NAV3: variants seen among roughly 807,000 people sequenced by gnomAD.
The protein encoded by NAV3 is pore membrane and/or filament interacting like protein 1.
In NAV3, 87 loss-of-function variants were observed where a neutral mutation model predicts 244.7. The ratio of observed to expected loss-of-function variants is 0.36; its 90% CI spans 0.30 to 0.42. NAV3 has a LOEUF of 0.42. NAV3 is among the 20% of genes least tolerant of loss of function. The pLI, the probability that NAV3 is intolerant of heterozygous loss-of-function variation, is 1.00. For synonymous variants in NAV3, 1,126 were observed against 1,042.2 expected, an observed-to-expected ratio of 1.08 and a Z score of -1.55; for missense variants, 2,663 against 2,893.3, an observed-to-expected ratio of 0.92 and a Z score of 1.83.
intron 2 of NAV3, among the ~76,000 whole-genome samples, chr12:77,594,612 C>T (rs908079094): frequency 6.6e-6 from 1 of 152,024 alleles, no homozygotes; most frequent in South Asian, 2.1e-4. Context: ...TGACAACAGG[C>T]GAGTGAGTCA....
At chr12:77,687,155 ACTT>A (rs1203177226) in intron 2 of NAV3, among the ~76,000 whole-genome samples, 2 of 152,128 alleles carry the variant, frequency 1.3e-5, no homozygotes, top group Non-Finnish European at 2.9e-5. Flanking sequence ...CTAGTTTACT[ACTT>A]CTTTTATACT....
chr12:77,594,350 G>C (rs1870070098), intron 2 of NAV3, among the ~76,000 whole-genome samples: 1 of 151,822 alleles, frequency 6.6e-6, no homozygotes, highest in African/African-American at 2.4e-5. Context: ...CCTCCTTCCA[G>C]GGCTTAAGTA....
Position 77,655,567 on chromosome 12 carries a change from C to T in NAV3, c.72+83301C>T, listed in dbSNP as rs1032016474. On this transcript the variant is annotated intron_variant, in intron 2 of 8. Coordinates refer to the NAV3 transcript ENST00000550042. ...ATCCAGGAGAACTTCCCCAATCTAG[C>T]AAGGCAGGCCAACATTCAGATTCAG... Among the ~76,000 whole-genome samples the T allele has an allele frequency of 5.1e-4, 78 of 152,088 alleles. 1 individual carries two copies. The highest frequency in any genetic ancestry group is 1.3e-4 in the Non-Finnish European group (9 of 68,024).
chr12:78,023,613 A>G (rs987350432), intron 9 of NAV3, among the ~76,000 whole-genome samples: 1 of 152,184 alleles, frequency 6.6e-6, no homozygotes, highest in Admixed American at 6.5e-5. Flanking sequence ...TGCAGCCTAT[A>G]GTGGGATAGT....
chr12:77,667,281 A>G (rs1313428936), intron 2 of NAV3, among the ~76,000 whole-genome samples: 2 of 152,168 alleles, frequency 1.3e-5, no homozygotes, highest in Admixed American at 6.5e-5. Flanking sequence ...AAGGAACTGG[A>G]TTGCTGCCGC....
intron 2 of NAV3, among the ~76,000 whole-genome samples, chr12:77,816,938 T>C (rs1326604610): frequency 6.6e-6 from 1 of 152,196 alleles, no homozygotes; most frequent in Non-Finnish European, 1.5e-5. Context: ...GCCATGTATA[T>C]GTTAACTCTA....
At chr12:78,100,418 C>T (rs1954480615) in intron 12 of NAV3, among the ~76,000 whole-genome samples, 1 of 151,826 alleles carries the variant, frequency 6.6e-6, no homozygotes, top group African/African-American at 2.4e-5. Context: ...TGCAAGAGAC[C>T]TAGAGTCTCT....
chr12:77,655,169 G>A (rs1323474919), intron 2 of NAV3, among the ~76,000 whole-genome samples: 2 of 151,422 alleles, frequency 1.3e-5, no homozygotes, highest in Non-Finnish European at 2.9e-5. Context: ...AGCTACAGGA[G>A]GAAATTCAAA....
intron 23 of NAV3, among the ~76,000 whole-genome samples, chr12:78,167,992 A>G (rs1957849287): frequency 1.3e-5 from 2 of 151,728 alleles, no homozygotes; most frequent in African/African-American, 4.8e-5. Flanking sequence ...ACATCTTAAA[A>G]TTACTCTAAA....
intron 1 of NAV3, among the ~76,000 whole-genome samples, chr12:77,928,684 A>G (rs1319189205): frequency 4.6e-5 from 7 of 152,218 alleles, no homozygotes. Flanking sequence ...AACATACTGT[A>G]GTTAGCATAG....
intron 2 of NAV3, among the ~76,000 whole-genome samples, chr12:77,799,287 A>C (rs764196844): frequency 7.2e-5 from 11 of 152,262 alleles, no homozygotes; most frequent in Admixed American, 3.3e-4. Context: ...ATCATCTACC[A>C]CAAATACAAC....
chr12:77,582,449 G>A (rs1046163631), intron 2 of NAV3, among the ~76,000 whole-genome samples: 6 of 152,304 alleles, frequency 3.9e-5, no homozygotes, highest in African/African-American at 9.6e-5. Context: ...TATTACACTT[G>A]TGATACCTGA....
intron 2 of NAV3, among the ~76,000 whole-genome samples, chr12:77,599,950 C>G (rs1870348886): frequency 9.2e-5 from 14 of 151,924 alleles, no homozygotes; most frequent in African/African-American, 2.9e-4. Flanking sequence ...AATAGAAAGT[C>G]AATTTGCAGA....
At chr12:77,623,363 G>T (rs1344238245) in intron 2 of NAV3, among the ~76,000 whole-genome samples, 1 of 152,108 alleles carries the variant, frequency 6.6e-6, no homozygotes, top group Non-Finnish European at 1.5e-5. Context: ...TTTTGAATTG[G>T]CAACTCTGGT....
intron 16 of NAV3, among the ~76,000 whole-genome samples, chr12:78,123,380 A>G (rs1009310820): frequency 6.6e-6 from 1 of 150,836 alleles, no homozygotes; most frequent in African/African-American, 2.4e-5. Flanking sequence ...TCTGATATTG[A>G]TGATGGCATT....
intron 2 of NAV3, among the ~76,000 whole-genome samples, chr12:77,690,097 T>C (rs892777826): frequency 1.3e-5 from 2 of 151,790 alleles, no homozygotes; most frequent in African/African-American, 4.8e-5. Flanking sequence ...CTTTAACAGG[T>C]TCATCAGGTC....
intron 38 of NAV3, among the ~76,000 whole-genome samples, chr12:78,202,766 T>C (rs750807910): frequency 3.3e-5 from 5 of 152,010 alleles, no homozygotes; most frequent in Admixed American, 2.0e-4. Flanking sequence ...AGTCCTTTTG[T>C]GGGTAGACAG....
chr12:77,727,956 G>T (rs1951140291), intron 2 of NAV3, among the ~76,000 whole-genome samples: 1 of 151,856 alleles, frequency 6.6e-6, no homozygotes, highest in South Asian at 2.1e-4. Context: ...GGCTATAGGA[G>T]TGGGAAAAAC....
intron 2 of NAV3, among the ~76,000 whole-genome samples, chr12:77,745,543 C>T (rs1868492693): frequency 6.6e-6 from 1 of 152,002 alleles, no homozygotes; most frequent in Non-Finnish European, 1.5e-5. Flanking sequence ...AGTAAGACAT[C>T]ATGCCCGGGA....
Sources: allele counts gnomAD v4.1 joint callset (sites outside exome capture counted in the v4.1 genomes callset), GRCh38; gene constraint gnomAD v4.1.1; transcripts MANE v1.5; gene names NCBI Gene and HGNC (gene_info 2026-07-23, HGNC 2026-07-21).